TMEM52B: variants seen among roughly 807,000 people sequenced by gnomAD.
The protein encoded by TMEM52B is chromosome 12 open reading frame 59.
In TMEM52B, 11 loss-of-function variants were observed where a neutral mutation model predicts 16.1. That is an observed-to-expected ratio of 0.68 (90% CI 0.43 to 1.13). TMEM52B has a LOEUF of 1.13. TMEM52B is among the 50% of genes most tolerant of loss of function. TMEM52B has a pLI of 0.00. For synonymous variants in TMEM52B, 101 were observed against 93.8 expected (o/e 1.08, Z -0.45); for missense variants, 243 against 230.4 (o/e 1.05, Z -0.35).
intron 3 of TMEM52B, 83 bp downstream of exon 3, chr12:10,185,451 C>T (rs748463489): frequency 8.9e-6 from 9 of 1,016,060 alleles, no homozygotes; most frequent in Non-Finnish European, 1.4e-5. Flanking sequence ...TACTTAGCAT[C>T]TCATGGAGTA....
intron 4 of TMEM52B, among the ~76,000 whole-genome samples, chr12:10,188,023 C>A (rs1056263527): frequency 6.6e-6 from 1 of 152,094 alleles, no homozygotes; most frequent in African/African-American, 2.4e-5. Context: ...CGCTTGAACC[C>A]GGGAGGCAAA....
Position 10,190,270 on chromosome 12 carries a change from T to C in TMEM52B, c.*130T>C. 1 of 1,211,930 alleles carries C rather than the reference T, an allele frequency of 8.3e-7. No homozygotes were observed. The highest frequency in any genetic ancestry group is 2.4e-5 in the East Asian group (1 of 41,838). 75.1% of individuals were successfully genotyped at this position (1,211,930 alleles called of 1,614,324 possible). On this transcript the variant is annotated 3_prime_UTR_variant, in exon 5 of 5. Transcript: ENST00000543484. ...CACCATCATTCTATGGGAAAGATGG[T>C]TCTTACTCTTCGTTCACAGGCCTTT...
chr12:10,175,940 T>C (rs930434472), upstream of TMEM52B, among the ~76,000 whole-genome samples: 2 of 152,236 alleles, frequency 1.3e-5, no homozygotes, highest in Non-Finnish European at 2.9e-5. Context: ...GCTACACTTG[T>C]TACACCAGTT....
At chr12:10,182,299 A>C in intron 1 of TMEM52B, 1 of 985,326 alleles carries the variant, frequency 1.0e-6, no homozygotes, top group African/African-American at 1.7e-5. Flanking sequence ...CCTCTCATTC[A>C]CAAAGGGTGA....
chr12:10,183,311 G>T (rs1025730106), intron 2 of TMEM52B, among the ~76,000 whole-genome samples: 4 of 152,082 alleles, frequency 2.6e-5, no homozygotes, highest in Non-Finnish European at 4.4e-5. Context: ...ATGCAAATTG[G>T]GTGTTGACTA....
At chr12:10,184,352 G>T (rs777027044) in intron 2 of TMEM52B, among the ~76,000 whole-genome samples, 1 of 152,224 alleles carries the variant, frequency 6.6e-6, no homozygotes, top group South Asian at 2.1e-4. Context: ...AACCTCAAGA[G>T]GGAGTCAGGG....
At chr12:10,173,956 T>G (rs2137533536) in intron 1 of TMEM52B, among the ~76,000 whole-genome samples, 1 of 152,268 alleles carries the variant, frequency 6.6e-6, no homozygotes, top group African/African-American at 2.4e-5. Flanking sequence ...TGTGCAGCCA[T>G]CACCACCATC....
intron 3 of TMEM52B, among the ~76,000 whole-genome samples, chr12:10,185,611 A>C (rs1325301591): frequency 6.6e-6 from 1 of 152,230 alleles, no homozygotes; most frequent in Non-Finnish European, 1.5e-5. Context: ...TTAGTGAATT[A>C]AAAAGCAGAG....
At position 10,184,315 on chromosome 12, in the gene TMEM52B, C is replaced by T. The variant is rs540953733; in HGVS notation, c.99-1015C>T. Among the ~76,000 whole-genome samples the T allele has an allele frequency of 5.3e-5, 8 of 152,294 alleles. No individual in the cohort carries two copies. The South Asian group carries it at 1.7e-3, about 32-fold the overall frequency. On this transcript the variant is annotated intron_variant, in intron 2 of 4. Transcript: ENST00000543484. ...ATGTAAGTAAGTGTTTCCCGGAGTTCTGTGAGCTGCTCTAACAAATTAACG... is the reference window on the plus strand; with the variant it reads ...ATGTAAGTAAGTGTTTCCCGGAGTTTTGTGAGCTGCTCTAACAAATTAACG...
Position 10,179,983 on chromosome 12 carries a change from A to G in TMEM52B, c.54+355A>G, listed in dbSNP as rs546872819. On this transcript the variant is annotated intron_variant, in intron 1 of 4. Transcript: ENST00000543484. ...TGAAAACTAGGTGTGTAATTCCCCT[A>G]AACGGAATTTCCCATCCAGGAATTT... Among the ~76,000 whole-genome samples the G allele has an allele frequency of 9.2e-5, 14 of 152,330 alleles. 1 individual carries two copies. Among genetic ancestry groups the G allele is most frequent in the African/African-American group, 2.9e-4 (12 of 41,568 alleles).
chr12:10,186,770 G>T (rs1338937258), intron 4 of TMEM52B, among the ~76,000 whole-genome samples, 181 bp downstream of exon 4: 2 of 152,174 alleles, frequency 1.3e-5, no homozygotes, highest in African/African-American at 4.8e-5. Context: ...GTGTTCTCAA[G>T]GGTCTGTCTG....
At chr12:10,177,137 A>G (rs1167709945), upstream of TMEM52B, among the ~76,000 whole-genome samples, 1 of 152,226 alleles carries the variant, frequency 6.6e-6, no homozygotes, top group African/African-American at 2.4e-5. Flanking sequence ...ATTTAGTGGA[A>G]GGCCACCTAA....
At chr12:10,182,227 A>G (rs1192992276) in intron 1 of TMEM52B, 1 of 985,166 alleles carries the variant, frequency 1.0e-6, no homozygotes, top group African/African-American at 1.7e-5. Flanking sequence ...GACAATGGCA[A>G]TATCCCAAGG....
chr12:10,189,048 A>AAAAAAAAAAC, intron 4 of TMEM52B, among the ~76,000 whole-genome samples: 1 of 115,248 alleles, frequency 8.7e-6, no homozygotes, highest in Non-Finnish European at 1.8e-5. Context: ...AAAAAAAAAA[A>AAAAAAAAAAC]AAATTAGCCA....
chr12:10,182,168 G>T (rs1294894562), intron 1 of TMEM52B: 1 of 984,868 alleles, frequency 1.0e-6, no homozygotes, highest in Non-Finnish European at 1.2e-6. Context: ...ACACTAACAG[G>T]ATAAAAAAAG....
chr12:10,180,275 G>GTTTTTTT (rs3053815), intron 1 of TMEM52B, among the ~76,000 whole-genome samples: 3 of 143,016 alleles, frequency 2.1e-5, no homozygotes, highest in Admixed American at 7.0e-5. Flanking sequence ...TGTATGGTTT[G>GTTTTTTT]TTTTTTTTTT....
rs1344026114 is a variant in TMEM52B, at chr12:10,191,563, A to G, written c.*1423A>G. 3.3e-5 allele frequency: 5 copies of G among 152,196 alleles called. No homozygotes were observed. The highest frequency in any genetic ancestry group is 7.3e-5 in the Non-Finnish European group (5 of 68,044). 9.4% of individuals were successfully genotyped at this position (152,196 alleles called of 1,614,324 possible). ...TTTTTTCCCTAAAAAATGGGAAATAATAACACCTCAGAAGGTTTTTGTGAA... is the reference window on the plus strand; with the variant it reads ...TTTTTTCCCTAAAAAATGGGAAATAGTAACACCTCAGAAGGTTTTTGTGAA... On this transcript the variant is annotated 3_prime_UTR_variant, in exon 5 of 5. Coordinates refer to ENST00000543484, the MANE Select transcript of TMEM52B (RefSeq NM_001384896.1).
In TMEM52B at chr12:10,182,037, A is replaced by C. The variant is rs938872594; in HGVS notation, c.55-513A>C. On this transcript the variant is annotated intron_variant, in intron 1 of 4. Coordinates refer to ENST00000543484, the MANE Select transcript of TMEM52B (RefSeq NM_001384896.1). ...GCAAGACTCAAAAAAAAAAAAAAAA[A>C]AAACAAAAAAAAAAAACTTGTTAGC... 2.3e-3 allele frequency: 590 copies of C among 252,280 alleles called. 6 individuals carry two copies. The highest frequency in any genetic ancestry group is 0.014 in the African/African-American group (536 of 37,700). The allele number at this position is 252,280 out of a possible 1,614,324, so 15.6% of individuals were successfully genotyped here.
Position 10,190,577 on chromosome 12 carries a change from C to T in TMEM52B, c.*437C>T. The T allele has an allele frequency of 5.2e-6, 1 of 191,684 alleles. No homozygotes were observed. Among genetic ancestry groups the T allele is most frequent in the South Asian group, 9.9e-5 (1 of 10,080 alleles). 11.9% of individuals were successfully genotyped at this position (191,684 alleles called of 1,614,324 possible). A position where few individuals can be genotyped will look rare whatever the true frequency, so the allele number is the denominator to read the frequency against. On this transcript the variant is annotated 3_prime_UTR_variant, in exon 5 of 5. Transcript: ENST00000543484. The stretch of plus-strand genomic sequence containing the variant: ...TAATGCACTGAATGCATGCATCTTT[C>T]CTCCTGAGACAGCAATCGATTTTAC...
Sources: allele counts gnomAD v4.1 joint callset (sites outside exome capture counted in the v4.1 genomes callset), GRCh38; gene constraint gnomAD v4.1.1; transcripts MANE v1.5; gene names NCBI Gene and HGNC (gene_info 2026-07-23, HGNC 2026-07-21).